SF3B3: variants seen among roughly 807,000 people sequenced by gnomAD.
SF3B3 encodes splicing factor 3b subunit 3.
A neutral mutation model predicts 139.2 loss-of-function variants in SF3B3; 33 were observed. That is an observed-to-expected ratio of 0.24 (90% CI 0.18 to 0.32). The LOEUF is 0.32. Ranked by LOEUF, SF3B3 falls within the 10% of genes least tolerant of loss-of-function variation. The pLI, the probability that SF3B3 is intolerant of heterozygous loss-of-function variation, is 1.00. For missense variants in SF3B3, 818 were observed against 1,509.4 expected (o/e 0.54, Z 7.59); for synonymous variants, 596 against 563.6 (o/e 1.06, Z -0.81).
At chr16:70,533,859 CAT>C (rs993124246) in intron 5 of SF3B3, among the ~76,000 whole-genome samples, 2 of 152,196 alleles carry the variant, frequency 1.3e-5, no homozygotes, top group African/African-American at 4.8e-5. Flanking sequence ...TTACTTGTAA[CAT>C]ATTACCATAC....
intron 10 of SF3B3, among the ~76,000 whole-genome samples, chr16:70,545,331 T>C (rs2050258241): frequency 6.6e-6 from 1 of 152,248 alleles, no homozygotes; most frequent in Non-Finnish European, 1.5e-5. Context: ...CTTCCCAAAG[T>C]GCTGGGATCA....
In SF3B3 at chr16:70,561,497, G is replaced by C; in HGVS notation, c.2134-133G>C. 3 of 748,852 alleles carry C rather than the reference G, an allele frequency of 4.0e-6. No homozygotes were observed. The South Asian group carries it at 5.3e-5, about 13-fold the overall frequency. The allele number at this position is 748,852 out of a possible 1,614,324, so 46.4% of individuals were successfully genotyped here. A position where few individuals can be genotyped will look rare whatever the true frequency, so the allele number is the denominator to read the frequency against. ...CTCTAGCCCTCTTTTTCTTAAGATA[G>C]CCTGTTATATTTCTAGAATATCTTA... is the stretch of plus-strand genomic sequence containing the variant. On this transcript the variant is annotated intron_variant, in intron 16 of 25. Coordinates refer to ENST00000302516, the MANE Select transcript of SF3B3 (RefSeq NM_012426.5).
At chr16:70,535,766 A>T (rs192990475) in intron 6 of SF3B3, among the ~76,000 whole-genome samples, 83 of 151,336 alleles carry the variant, frequency 5.5e-4, no homozygotes, top group Middle Eastern at 3.4e-3. Context: ...TTTTTTTTCC[A>T]ACATTTTTAT....
chr16:70,546,737 T>C (rs2050272088), intron 10 of SF3B3, among the ~76,000 whole-genome samples: 1 of 152,248 alleles, frequency 6.6e-6, no homozygotes, highest in African/African-American at 2.4e-5. Flanking sequence ...TTCCTGCTAC[T>C]TCTCTCCCCA....
At chr16:70,526,367 C>G (rs1304331743) in intron 1 of SF3B3, among the ~76,000 whole-genome samples, 1 of 151,974 alleles carries the variant, frequency 6.6e-6, no homozygotes, top group Admixed American at 6.6e-5. Flanking sequence ...AGCACCATGC[C>G]CAGCTAATTT....
rs1394986054 is a variant in SF3B3 at position 70,526,975 on chromosome 16, C to T, written c.70+249C>T. 10 of 563,248 alleles carry T rather than the reference C, an allele frequency of 1.8e-5. No homozygotes were observed. In the Admixed American group the frequency reaches 3.3e-4, roughly 19 times the overall value. The allele number at this position is 563,248 out of a possible 1,614,324, so 34.9% of individuals were successfully genotyped here. On this transcript the variant is annotated intron_variant, in intron 2 of 25. Coordinates refer to ENST00000302516, the MANE Select transcript of SF3B3 (RefSeq NM_012426.5). The stretch of plus-strand genomic sequence containing the variant: ...ACTTTTCTTGGCTGCTTACCTAGTG[C>T]CAAGTCGTGTGCCTATTGCTGTAAG...
In SF3B3 at chr16:70,544,506, T is replaced by C; in HGVS notation, c.1302T>C (p.Ser434=). The change falls in exon 10 of 26, where the codon TCT becomes TCC. Residue 434 remains serine, a synonymous_variant. Transcript: ENST00000302516. Reference sequence around the variant, plus strand: ...CCTGTGGTAGGGGACCCCGATCATCTCTGAGAGTCCTAAGACATGGACTTG... The same window carrying C: ...CCTGTGGTAGGGGACCCCGATCATCCCTGAGAGTCCTAAGACATGGACTTG... The part of the protein sequence containing the change: ...YVACGRGPRS[S]LRVLRHGLEV... The C allele has an allele frequency of 6.2e-7, 1 of 1,610,190 alleles. No individual in the cohort carries two copies. Among genetic ancestry groups the C allele is most frequent in the Non-Finnish European group, 8.5e-7 (1 of 1,176,406 alleles).
At chr16:70,526,867 G>GT (rs1401234042) in intron 2 of SF3B3, 141 bp downstream of exon 2, 1 of 637,202 alleles carries the variant, frequency 1.6e-6, no homozygotes, top group Admixed American at 2.7e-5. Flanking sequence ...GAGATGAGGT[G>GT]TTAAGTTCTG....
intron 4 of SF3B3, among the ~76,000 whole-genome samples, chr16:70,531,190 C>T (rs1027702192): frequency 1.3e-5 from 2 of 152,048 alleles, no homozygotes; most frequent in African/African-American, 4.8e-5. Flanking sequence ...ATGGCGTGAA[C>T]CCGGGAGGTG....
At chr16:70,561,490 T>A in intron 16 of SF3B3, 140 bp from the exon 17 acceptor site, 1 of 730,156 alleles carries the variant, frequency 1.4e-6, no homozygotes, top group South Asian at 1.8e-5. Context: ...CTCTTTTTCT[T>A]AAGATAGCCT....
At chr16:70,529,998 G>A (rs2050104588) in intron 3 of SF3B3, among the ~76,000 whole-genome samples, 1 of 114,626 alleles carries the variant, frequency 8.7e-6, no homozygotes, top group Non-Finnish European at 1.7e-5. Context: ...GCTGGGTGTG[G>A]TGGTGGGTGC....
intron 6 of SF3B3, among the ~76,000 whole-genome samples, chr16:70,537,077 G>T (rs1294514322): frequency 6.6e-6 from 1 of 152,086 alleles, no homozygotes; most frequent in East Asian, 1.9e-4. Flanking sequence ...CCAAAGTGTT[G>T]GGATTACAGG....
chr16:70,531,887 A>G (rs983576511), intron 4 of SF3B3, among the ~76,000 whole-genome samples: 2 of 152,256 alleles, frequency 1.3e-5, no homozygotes, highest in African/African-American at 4.8e-5. Context: ...CCATTATCTT[A>G]TAGCATAAAC....
intron 20 of SF3B3, among the ~76,000 whole-genome samples, chr16:70,566,535 G>A (rs554264785): frequency 6.6e-6 from 1 of 152,184 alleles, no homozygotes; most frequent in East Asian, 1.9e-4. Flanking sequence ...GCACTCCAGC[G>A]TGGGTGACAG....
intron 24 of SF3B3, among the ~76,000 whole-genome samples, chr16:70,570,435 A>C (rs1455435339): frequency 1.4e-5 from 2 of 145,900 alleles, no homozygotes. Context: ...GGTTCACGCC[A>C]TTCTCCTGCC....
intron 14 of SF3B3, chr16:70,556,645 G>T: frequency 3.3e-6 from 2 of 601,828 alleles, no homozygotes; most frequent in Non-Finnish European, 5.8e-6. Context: ...CAGGAGGTGT[G>T]CTTTGCTTAA....
chr16:70,535,612 TAGAA>T (rs879727425), intron 6 of SF3B3, among the ~76,000 whole-genome samples, 192 bp downstream of exon 6: 36 of 152,222 alleles, frequency 2.4e-4, no homozygotes, highest in Non-Finnish European at 2.8e-4. Flanking sequence ...CAAATTCTCT[TAGAA>T]AGGGAATTAA....
intron 5 of SF3B3, among the ~76,000 whole-genome samples, 193 bp from the exon 6 acceptor site, chr16:70,535,115 A>G (rs1220158208): frequency 6.6e-6 from 1 of 152,200 alleles, no homozygotes; most frequent in Admixed American, 6.5e-5. Context: ...GCTGAGACCA[A>G]ACCTTCCATG....
intron 9 of SF3B3, among the ~76,000 whole-genome samples, chr16:70,542,558 G>C (rs1482574522): frequency 2.0e-5 from 3 of 152,142 alleles, no homozygotes; most frequent in African/African-American, 4.8e-5. Context: ...TCACACTTCT[G>C]ATGGGAGAGG....
Sources: allele counts gnomAD v4.1 joint callset (sites outside exome capture counted in the v4.1 genomes callset), GRCh38; gene constraint gnomAD v4.1.1; transcripts MANE v1.5; gene names NCBI Gene and HGNC (gene_info 2026-07-23, HGNC 2026-07-21).